NEXMIF: variants seen among roughly 807,000 people sequenced by gnomAD.
The protein encoded by NEXMIF is XLMR protein related to neurite extension.
Under a neutral mutation model 62.1 loss-of-function variants are expected in NEXMIF, and 8 were observed. The observed-to-expected ratio is 0.13, with a 90% CI of 0.08 to 0.23. The LOEUF (loss-of-function observed/expected upper bound fraction) is 0.23. NEXMIF is among the 10% of genes least tolerant of loss of function. The pLI is 1.00. For missense variants in NEXMIF, 976 were observed against 1,113.3 expected (o/e 0.88, Z 1.75); for synonymous variants, 404 against 416.6 (o/e 0.97, Z 0.37).
chrX:74,914,618 T>C (rs2080800722), intron 1 of NEXMIF, among the ~76,000 whole-genome samples: 2 of 111,633 alleles, frequency 1.8e-5, no homozygotes, highest in Non-Finnish European at 3.8e-5. Context: ...GAGGTGGAGA[T>C]TGCAGTGGGC....
intron 1 of NEXMIF, among the ~76,000 whole-genome samples, chrX:74,825,699 C>T (rs989814541): frequency 7.2e-5 from 8 of 111,632 alleles, no homozygotes; most frequent in Admixed American, 2.9e-4. Flanking sequence ...GGATTACAGG[C>T]GCCCACCATC....
At chrX:74,913,066 A>T (rs948448426) in intron 1 of NEXMIF, among the ~76,000 whole-genome samples, 1 of 112,208 alleles carries the variant, frequency 8.9e-6, no homozygotes, top group Non-Finnish European at 1.9e-5. Context: ...ATCACTTATC[A>T]TACCAATGAC....
chrX:74,766,058 A>G (rs986237179), intron 1 of NEXMIF, among the ~76,000 whole-genome samples: 1 of 94,867 alleles, frequency 1.1e-5, no homozygotes, highest in Admixed American at 1.2e-4. Context: ...AAAAAAAAAA[A>G]TGTTGAATAT....
chrX:74,799,065 A>G lies in NEXMIF; in HGVS notation c.-47-53368T>C, dbSNP rs2080321264. On this transcript the variant is annotated intron_variant, in intron 1 of 3. Coordinates refer to ENST00000055682, the MANE Select transcript of NEXMIF (RefSeq NM_001008537.3). ...ATTTTTGTAGGGAGGGGGTCTTGCC[A>G]TGTTGCCTAGGCTGGTCTTGAACCC... Among the ~76,000 whole-genome samples, 4 of 110,828 alleles carry G rather than the reference A, an allele frequency of 3.6e-5. 1 individual carries two copies. In the South Asian group the frequency reaches 1.1e-3, roughly 32 times the overall value.
intron 1 of NEXMIF, among the ~76,000 whole-genome samples, chrX:74,870,175 A>G (rs2048860933): frequency 9.0e-6 from 1 of 111,511 alleles, no homozygotes; most frequent in Non-Finnish European, 1.9e-5. Context: ...CCATACATCC[A>G]CAGTGAACTC....
Position 74,740,467 on chromosome X carries a change from A to G in NEXMIF, c.4090T>C (p.Leu1364=). The G allele has an allele frequency of 8.3e-7, 1 of 1,210,641 alleles. No homozygotes were observed. The highest frequency in any genetic ancestry group is 1.1e-6 in the Non-Finnish European group (1 of 895,163). Residue 1364 remains leucine (L), a synonymous_variant, in exon 3 of 4, where the codon TTA becomes CTA. Coordinates refer to ENST00000055682, the MANE Select transcript of NEXMIF (RefSeq NM_001008537.3). ...CCAGCCAATATTTTGAGGGTTTTTA[A>G]TTTTAGACTATTGGACTCAGGGGAG... is the stretch of plus-strand genomic sequence containing the variant. ...FYSPESNSLK[L]KTLKILAGTP...
rs150169680 is a variant in NEXMIF at position 74,772,913 on chromosome X, A to G, written c.-47-27216T>C. On this transcript the variant is annotated intron_variant, in intron 1 of 3. Coordinates refer to ENST00000055682, the MANE Select transcript of NEXMIF (RefSeq NM_001008537.3). ...GGGGGGTGGGGGAAATCAAGCTACA[A>G]TTATACTTTTTAGCAAGAAAAAAAG... Among the ~76,000 whole-genome samples, 539 of 111,800 alleles carry G rather than the reference A, an allele frequency of 4.8e-3. 4 individuals are homozygous for G. Among genetic ancestry groups the G allele is most frequent in the African/African-American group, 0.017 (511 of 30,817 alleles).
intron 1 of NEXMIF, among the ~76,000 whole-genome samples, chrX:74,838,918 T>C (rs1249758251): frequency 8.9e-6 from 1 of 112,238 alleles, no homozygotes; most frequent in Non-Finnish European, 1.9e-5. Flanking sequence ...TATAGTTTTA[T>C]GGTAAAATTC....
intron 1 of NEXMIF, among the ~76,000 whole-genome samples, chrX:74,755,892 A>AT (rs1008764794): frequency 8.2e-5 from 9 of 109,811 alleles, no homozygotes; most frequent in East Asian, 2.9e-4. Context: ...TAAATTAAAA[A>AT]TTTTTTTTTT....
chrX:74,869,836 A>C (rs1203923853), intron 1 of NEXMIF, among the ~76,000 whole-genome samples: 1 of 112,019 alleles, frequency 8.9e-6, no homozygotes, highest in Non-Finnish European at 1.9e-5. Context: ...AAAAATGGAA[A>C]GATATATCCA....
chrX:74,890,014 C>G (rs2080712388), intron 1 of NEXMIF, among the ~76,000 whole-genome samples: 1 of 107,895 alleles, frequency 9.3e-6, no homozygotes, highest in Non-Finnish European at 1.9e-5. Flanking sequence ...CTCTCCCTCT[C>G]TCTCTCTCTC....
chrX:74,739,844 A>G (rs2080095974), intron 3 of NEXMIF: 2 of 382,960 alleles, frequency 5.2e-6, no homozygotes, highest in Admixed American at 9.9e-5. Flanking sequence ...GATGAATAGC[A>G]GAAGAAGAAA....
chrX:74,818,223 C>G (rs1221644183), intron 1 of NEXMIF, among the ~76,000 whole-genome samples: 1 of 111,687 alleles, frequency 9.0e-6, no homozygotes, highest in Non-Finnish European at 1.9e-5. Context: ...TGATTTCAAA[C>G]TATACTACAA....
In NEXMIF at chrX:74,924,909, G is replaced by C. The variant is rs2080838965; in HGVS notation, c.-74C>G. 8.7e-6 allele frequency: 1 copy of C among 114,681 alleles called. No individual in the cohort carries two copies. The highest frequency in any genetic ancestry group is 3.2e-5 in the African/African-American group (1 of 31,414). The allele number at this position is 114,681 out of a possible 1,213,427, so 9.5% of individuals were successfully genotyped here. On this transcript the variant is annotated 5_prime_UTR_variant, in exon 1 of 4. Coordinates refer to ENST00000055682, the MANE Select transcript of NEXMIF (RefSeq NM_001008537.3). ...TCACAGGCCGACTCCCGAGGCGCACGTCGCTGGCGGGCTCAGGCAGCAGGC... is the reference window on the plus strand; with the variant it reads ...TCACAGGCCGACTCCCGAGGCGCACCTCGCTGGCGGGCTCAGGCAGCAGGC...
At chrX:74,901,180 A>G (rs1255583461) in intron 1 of NEXMIF, among the ~76,000 whole-genome samples, 1 of 112,253 alleles carries the variant, frequency 8.9e-6, no homozygotes, top group African/African-American at 3.2e-5. Flanking sequence ...TACCACAATA[A>G]AAATAGTAAA....
chrX:74,849,649 T>C (rs1380629747), intron 1 of NEXMIF, among the ~76,000 whole-genome samples: 1 of 112,587 alleles, frequency 8.9e-6, no homozygotes, highest in African/African-American at 3.2e-5. Flanking sequence ...ACATCATCCA[T>C]CTGTAGCCAC....
At chrX:74,882,191 C>T (rs774714115) in intron 1 of NEXMIF, among the ~76,000 whole-genome samples, 2 of 112,238 alleles carry the variant, frequency 1.8e-5, no homozygotes, top group Non-Finnish European at 3.8e-5. Flanking sequence ...CGAATAGGAA[C>T]AGCTCCGGTC....
chrX:74,801,999 G>A (rs1276448382), intron 1 of NEXMIF, among the ~76,000 whole-genome samples: 1 of 111,936 alleles, frequency 8.9e-6, no homozygotes, highest in African/African-American at 3.3e-5. Flanking sequence ...AGGGAAGAGT[G>A]GGAAGAACTG....
chrX:74,743,181 C>T lies in NEXMIF; in HGVS notation c.1376G>A (p.Cys459Tyr). Residue 459 changes from cysteine (C) to tyrosine (Y), a missense_variant, in exon 3 of 4, where the codon TGT becomes TAT. Physicochemically the swap from Cys to Tyr is radical, Grantham distance 194. This residue lies in a region of NEXMIF where 639 missense variants were observed against 694.5 expected (regional missense o/e 0.92). Transcript: ENST00000055682. The part of the protein sequence containing the change: ...SYDAMGEIKD[C>Y]SRYMARDTNS... ...AGTGTCCCGAGCCATATAGCGACTA[C>T]AGTCCTTGATCTCACCCATAGCATC... 8.3e-7 allele frequency: 1 copy of T among 1,210,935 alleles called. No individual in the cohort carries two copies. Among genetic ancestry groups the T allele is most frequent in the Non-Finnish European group, 1.1e-6 (1 of 895,045 alleles).
Sources: gnomAD v4.1 joint callset for allele counts (sites outside exome capture counted in the v4.1 genomes callset) on GRCh38, gnomAD v4.1.1 for gene constraint, gnomAD v4.1.1 regional missense constraint, MANE v1.5 for transcripts, NCBI Gene and HGNC (gene_info 2026-07-23, HGNC 2026-07-21) for gene names.